PFKFB2: variants seen among roughly 807,000 people sequenced by gnomAD.
PFKFB2 encodes the protein 6-phosphofructo-2-kinase/fructose-2,6-biphosphatase 2.
PFKFB2 carries 53 observed loss-of-function variants against 68.0 expected under a neutral mutation model. That is an observed-to-expected ratio of 0.78 (90% CI 0.63 to 0.98). PFKFB2 has a LOEUF of 0.98. Among genes scored for constraint, PFKFB2 ranks in the 50% least tolerant of loss-of-function variants. The pLI, the probability that PFKFB2 is intolerant of heterozygous loss-of-function variation, is 0.00. For synonymous variants in PFKFB2, 222 were observed against 227.6 expected (o/e 0.98, Z 0.22); for missense variants, 451 against 642.0 (o/e 0.70, Z 3.22).
chr1:207,077,117 T>C lies in PFKFB2; in HGVS notation c.*4746T>C. The C allele has an allele frequency of 7.1e-6, 7 of 984,856 alleles. No individual in the cohort carries two copies. The highest frequency in any genetic ancestry group is 8.4e-6 in the Non-Finnish European group (7 of 829,474). 61.0% of individuals were successfully genotyped at this position (984,856 alleles called of 1,614,324 possible). A position where few individuals can be genotyped will look rare whatever the true frequency, so the allele number is the denominator to read the frequency against. ...GGGAATGCCTGTTCAGAGCCTGGAG[T>C]TGTTACCTTTACTTGAAGTCATCTC... On this transcript the variant is annotated 3_prime_UTR_variant, in exon 15 of 15. Transcript: ENST00000367080.
At chr1:207,053,440 G>A (rs1244621616) in intron 1 of PFKFB2, 74 bp downstream of exon 1, 1 of 152,830 alleles carries the variant, frequency 6.5e-6, no homozygotes, top group East Asian at 1.9e-4. Flanking sequence ...CCCGGATGAA[G>A]TGCGGGGAGA....
chr1:207,043,347 T>C lies in PFKFB2; in HGVS notation c.-18+1135T>C, dbSNP rs966101900. ...GATTAGATATTATTATACTTCCACG[T>C]CCATAATTTTAAAGCTTTCAATGAG... On this transcript the variant is annotated intron_variant, in intron 2 of 5. Coordinates refer to the PFKFB2 transcript ENST00000545806. Among the ~76,000 whole-genome samples the C allele has an allele frequency of 1.4e-4, 22 of 152,316 alleles. No homozygotes were observed. In the South Asian group the frequency reaches 2.1e-3, roughly 14 times the overall value.
At chr1:207,058,001 C>G (rs899996488) in intron 2 of PFKFB2, among the ~76,000 whole-genome samples, 3 of 152,186 alleles carry the variant, frequency 2.0e-5, no homozygotes, top group Admixed American at 6.5e-5. Flanking sequence ...AAGATAGACA[C>G]ATTGGAAATG....
At chr1:207,066,715 C>T (rs1297397578) in intron 8 of PFKFB2, among the ~76,000 whole-genome samples, 5 of 152,076 alleles carry the variant, frequency 3.3e-5, no homozygotes, top group African/African-American at 4.8e-5. Context: ...TGCAGTGGCA[C>T]GATCTCGGCT....
At chr1:207,067,343 ATC>A (rs1483098526) in intron 8 of PFKFB2, among the ~76,000 whole-genome samples, 154 bp from the exon 9 acceptor site, 1 of 152,210 alleles carries the variant, frequency 6.6e-6, no homozygotes, top group African/African-American at 2.4e-5. Context: ...GGAGTAATTA[ATC>A]TCCTACCATT....
chr1:207,052,153 T>C, upstream of PFKFB2: 1 of 1,607,916 alleles, frequency 6.2e-7, no homozygotes, highest in South Asian at 1.1e-5. Context: ...GGGGCAACTA[T>C]GAAAAGTGTA....
intron 1 of PFKFB2, among the ~76,000 whole-genome samples, chr1:207,053,904 ATTTTTTTT>A (rs574695365): frequency 1.0e-5 from 1 of 97,894 alleles, no homozygotes; most frequent in Non-Finnish European, 2.0e-5. Flanking sequence ...TTCATTTTTC[ATTTTTTTT>A]TTTTTTTTTT....
chr1:207,070,194 G>C lies in PFKFB2; in HGVS notation c.1093-86G>C. 1 of 1,510,112 alleles carries C rather than the reference G, an allele frequency of 6.6e-7. No individual in the cohort carries two copies. Among genetic ancestry groups the C allele is most frequent in the Non-Finnish European group, 9.0e-7 (1 of 1,105,754 alleles). The allele number at this position is 1,510,112 out of a possible 1,614,324, so 93.5% of individuals were successfully genotyped here. The stretch of plus-strand genomic sequence containing the variant: ...GAAAGCCAGCTGAGGAAGAAGAAGT[G>C]GCCCTTAGTCTCCAAGGTCCAGCCA... On this transcript the variant is annotated intron_variant, in intron 11 of 14. Coordinates refer to ENST00000367080, the MANE Select transcript of PFKFB2 (RefSeq NM_006212.2). This position sits in a 1 kb window ranked among gnomAD's most constrained non-coding sequence, Gnocchi z 4.2.
chr1:207,072,419 C>T lies in PFKFB2; in HGVS notation c.*48C>T. The T allele has an allele frequency of 6.3e-7, 1 of 1,583,886 alleles. No homozygotes were observed. ...CGGTGGTGTAACTGTGTGTTTCCCT[C>T]CAGCCCTGGCCTCCTGCCCTTGTCA... On this transcript the variant is annotated 3_prime_UTR_variant, in exon 15 of 15. Coordinates refer to ENST00000367080, the MANE Select transcript of PFKFB2 (RefSeq NM_006212.2).
At chr1:207,041,458 C>A (rs567189099) in intron 1 of PFKFB2, among the ~76,000 whole-genome samples, 1 of 152,078 alleles carries the variant, frequency 6.6e-6, no homozygotes, top group Admixed American at 6.6e-5. Context: ...TTGTTCAACT[C>A]CCACTTATGA....
At chr1:207,038,862 C>G (rs181354659) in intron 1 of PFKFB2, among the ~76,000 whole-genome samples, 32 of 152,204 alleles carry the variant, frequency 2.1e-4, no homozygotes, top group Admixed American at 1.8e-3. Flanking sequence ...CCAAATTATA[C>G]CCACCACCTA....
At chr1:207,067,349 T>A (rs1297647181) in intron 8 of PFKFB2, 150 bp from the exon 9 acceptor site, 1 of 613,058 alleles carries the variant, frequency 1.6e-6, no homozygotes, top group Non-Finnish European at 2.9e-6. Flanking sequence ...ATTAATCTCC[T>A]ACCATTTGGT....
At chr1:207,078,100 A>G (rs1431165948), downstream of PFKFB2, among the ~76,000 whole-genome samples, 1 of 152,254 alleles carries the variant, frequency 6.6e-6, no homozygotes, top group African/African-American at 2.4e-5. Flanking sequence ...TGCACTGTGC[A>G]GTAATTCCCA....
upstream of PFKFB2, chr1:207,050,557 CTA>C (rs1233261129): frequency 2.5e-6 from 3 of 1,189,428 alleles, no homozygotes; most frequent in Non-Finnish European, 3.5e-6. Context: ...GTTCTTTGAT[CTA>C]TCCTCGCCCC....
rs1683649739 is a variant in PFKFB2, at chr1:207,077,147, A to C, written c.*4776A>C. 1.0e-6 allele frequency: 1 copy of C among 985,038 alleles called. No homozygotes were observed. The highest frequency in any genetic ancestry group is 6.1e-5 in the Admixed American group (1 of 16,262). 61.0% of individuals were successfully genotyped at this position (985,038 alleles called of 1,614,324 possible). ...ACCTTTACTTGAAGTCATCTCATCC[A>C]GTCCCCTGCTTTAGGGCAGGACTTC... On this transcript the variant is annotated 3_prime_UTR_variant, in exon 15 of 15. Coordinates refer to ENST00000367080, the MANE Select transcript of PFKFB2 (RefSeq NM_006212.2).
In PFKFB2 at chr1:207,063,988, A is replaced by C. The variant is rs1252794294; in HGVS notation, c.507+159A>C. Among the ~76,000 whole-genome samples the C allele has an allele frequency of 6.6e-6, 1 of 151,874 alleles. No individual in the cohort carries two copies. Among genetic ancestry groups the C allele is most frequent in the Non-Finnish European group, 1.5e-5 (1 of 67,984 alleles). On this transcript the variant is annotated intron_variant, in intron 7 of 14. Coordinates refer to ENST00000367080, the MANE Select transcript of PFKFB2 (RefSeq NM_006212.2). The surrounding 1 kb of genome is among the most constrained non-coding windows in gnomAD (Gnocchi z 4.1). Reference sequence around the variant, plus strand: ...TTAACATCACAAAGAGATCTTTTCTATCTGCCAGAGCCCCATCTGGTACTT... The same window carrying C: ...TTAACATCACAAAGAGATCTTTTCTCTCTGCCAGAGCCCCATCTGGTACTT...
intron 3 of PFKFB2, 79 bp from the exon 4 acceptor site, chr1:207,062,541 C>T (rs1683149946): frequency 1.3e-6 from 2 of 1,571,088 alleles, no homozygotes; most frequent in Non-Finnish European, 1.7e-6. Flanking sequence ...GTCACTCCGA[C>T]ATTAGGCCAA....
chr1:207,068,305 A>G lies in PFKFB2; in HGVS notation c.983A>G (p.Asp328Gly). Residue 328 changes from aspartate (D) to glycine (G), a missense_variant, in exon 10 of 15, where the codon GAT becomes GGT. Coordinates refer to ENST00000367080, the MANE Select transcript of PFKFB2 (RefSeq NM_006212.2). ...CAGTGGAAGATTCTGAATGAGATTG[A>G]TGCTGTGAGTAGGAAGCTCTGAAGG... is the stretch of plus-strand genomic sequence containing the variant. ...YEQWKILNEIDAGVCEEMTYA... is the reference protein window; with the variant it reads ...YEQWKILNEIGAGVCEEMTYA... 6.3e-7 allele frequency: 1 copy of G among 1,581,622 alleles called. No individual in the cohort carries two copies.
intron 2 of PFKFB2, 97 bp downstream of exon 2, chr1:207,054,899 A>G: frequency 1.2e-6 from 1 of 816,324 alleles, no homozygotes; most frequent in South Asian, 1.6e-5. Context: ...GGGAGTGATA[A>G]ATAATTATTT....
Sources: allele counts gnomAD v4.1 joint callset (sites outside exome capture counted in the v4.1 genomes callset), GRCh38; gene constraint gnomAD v4.1.1; non-coding constraint Gnocchi (gnomAD v3.1); transcripts MANE v1.5; gene names NCBI Gene and HGNC (gene_info 2026-07-23, HGNC 2026-07-21).